Variants in NCAM2 observed in about 807,000 individuals in gnomAD.
NCAM2 encodes the protein neural cell adhesion molecule 2, also known as N-CAM-2.
NCAM2 carries 30 observed loss-of-function variants against 98.1 expected under a neutral mutation model. That is an observed-to-expected ratio of 0.31 (90% CI 0.23 to 0.41). The LOEUF is 0.41. Among genes scored for constraint, NCAM2 ranks in the 10% least tolerant of loss-of-function variants. The pLI is 1.00. For missense variants in NCAM2, 867 were observed against 1,005.8 expected (o/e 0.86, Z 1.87); for synonymous variants, 368 against 342.4 (o/e 1.07, Z -0.83).
In NCAM2 at chr21:21,136,269, C is replaced by T. The variant is rs542945075; in HGVS notation, c.55+137651C>T. Among the ~76,000 whole-genome samples the T allele has an allele frequency of 1.6e-4, 25 of 152,258 alleles. No homozygotes were observed. The South Asian group carries it at 5.2e-3, about 32-fold the overall frequency. On this transcript the variant is annotated intron_variant, in intron 1 of 17. Transcript: ENST00000400546. Reference sequence around the variant, plus strand: ...TTGCATGTAAATAGCTAGAGGAAGTCATATAGCCATAACTAACTTTAAGGG... The same window carrying T: ...TTGCATGTAAATAGCTAGAGGAAGTTATATAGCCATAACTAACTTTAAGGG...
chr21:21,126,192 A>G (rs1373693515), intron 1 of NCAM2, among the ~76,000 whole-genome samples: 1 of 146,608 alleles, frequency 6.8e-6, no homozygotes, highest in Non-Finnish European at 1.5e-5. Flanking sequence ...GGTAGGAGCC[A>G]TGAGACCAGA....
intron 1 of NCAM2, among the ~76,000 whole-genome samples, chr21:21,136,623 G>GGTTTTTTTT (rs373375869): frequency 3.0e-4 from 17 of 55,776 alleles, no homozygotes; most frequent in African/African-American, 9.9e-4. Context: ...CACCACGCCT[G>GGTTTTTTTT]TTTTTTGTTT....
At chr21:21,369,168 G>C (rs2075857892) in intron 8 of NCAM2, among the ~76,000 whole-genome samples, 1 of 147,268 alleles carries the variant, frequency 6.8e-6, no homozygotes, top group East Asian at 2.0e-4. Flanking sequence ...CTACTTTTTT[G>C]TATCTATAGA....
intron 4 of NCAM2, among the ~76,000 whole-genome samples, chr21:21,289,511 G>C (rs184565968): frequency 6.6e-6 from 1 of 151,864 alleles, no homozygotes; most frequent in African/African-American, 2.4e-5. Flanking sequence ...CCAGGCAAAC[G>C]TCGGTGCGGA....
chr21:21,369,097 A>AC (rs1356501397), intron 8 of NCAM2, among the ~76,000 whole-genome samples: 8 of 149,362 alleles, frequency 5.4e-5, no homozygotes, highest in African/African-American at 1.7e-4. Context: ...TTTGGTCATC[A>AC]CCCCCCAATC....
At chr21:21,110,541 G>T (rs2066433719) in intron 1 of NCAM2, among the ~76,000 whole-genome samples, 1 of 151,350 alleles carries the variant, frequency 6.6e-6, no homozygotes, top group Non-Finnish European at 1.5e-5. Flanking sequence ...AAAGTCTAGG[G>T]TATACCAGAT....
chr21:21,317,432 A>G (rs555184188), intron 5 of NCAM2, among the ~76,000 whole-genome samples: 1 of 152,048 alleles, frequency 6.6e-6, no homozygotes, highest in Admixed American at 6.6e-5. Flanking sequence ...AGTACTACCA[A>G]CTCTAAAAAT....
intron 1 of NCAM2, among the ~76,000 whole-genome samples, chr21:21,086,376 TGA>T (rs1310517978): frequency 6.6e-6 from 1 of 152,206 alleles, no homozygotes; most frequent in Non-Finnish European, 1.5e-5. Flanking sequence ...TTTGCAGACA[TGA>T]GAGTCTATTC....
chr21:21,315,327 G>T (rs1372504789), intron 5 of NCAM2, among the ~76,000 whole-genome samples: 1 of 152,144 alleles, frequency 6.6e-6, no homozygotes, highest in African/African-American at 2.4e-5. Context: ...TAAAGAACTT[G>T]CTGTGGATGC....
intron 1 of NCAM2, among the ~76,000 whole-genome samples, chr21:21,224,173 T>TA (rs1344497105): frequency 6.6e-6 from 1 of 152,182 alleles, no homozygotes; most frequent in Non-Finnish European, 1.5e-5. Context: ...TGTTATCAGA[T>TA]ACTGCAAAGT....
intron 8 of NCAM2, among the ~76,000 whole-genome samples, chr21:21,348,274 A>G (rs1453872380): frequency 6.6e-6 from 1 of 152,174 alleles, no homozygotes; most frequent in African/African-American, 2.4e-5. Context: ...CAAGATACAA[A>G]ATCAACATAC....
Position 21,539,598 on chromosome 21 carries a change from C to T in NCAM2, c.*1641C>T, listed in dbSNP as rs1224707836. ...GAAAACTAAGTACTTTTATATAATT[C>T]ATCACTTTTCTGGCTACAGCAGGAC... On this transcript the variant is annotated 3_prime_UTR_variant, in exon 18 of 18. Transcript: ENST00000400546. The T allele has an allele frequency of 6.6e-6, 1 of 152,154 alleles. No homozygotes were observed. The highest frequency in any genetic ancestry group is 1.5e-5 in the Non-Finnish European group (1 of 68,030). 9.4% of individuals were successfully genotyped at this position (152,154 alleles called of 1,614,324 possible). A position where few individuals can be genotyped will look rare whatever the true frequency, so the allele number is the denominator to read the frequency against.
intron 1 of NCAM2, among the ~76,000 whole-genome samples, chr21:21,157,154 C>A (rs1395788482): frequency 6.6e-6 from 1 of 152,026 alleles, no homozygotes; most frequent in Admixed American, 6.6e-5. Flanking sequence ...ATGGCTGTAT[C>A]TTTCACTCAA....
At chr21:21,316,683 A>G (rs929406605) in intron 5 of NCAM2, among the ~76,000 whole-genome samples, 5 of 151,724 alleles carry the variant, frequency 3.3e-5, no homozygotes, top group African/African-American at 7.3e-5. Context: ...TGCTGGCATT[A>G]CAGGTGCCTA....
chr21:21,433,776 A>AAAATAAAATAAAT (rs72002373), intron 12 of NCAM2, among the ~76,000 whole-genome samples: 1 of 149,514 alleles, frequency 6.7e-6, no homozygotes, highest in Non-Finnish European at 1.5e-5. Context: ...AAAATAAAAT[A>AAAATAAAATAAAT]AAATAAAATA....
At position 21,533,210 on chromosome 21, in the gene NCAM2, C is replaced by A. The variant is rs1989806882; in HGVS notation, c.2283-1327C>A. Reference sequence around the variant, plus strand: ...TCCTAGTGTATATGCTTCCTAAGAGCAAATTTTAATATCCTATATCCACCA... The same window carrying A: ...TCCTAGTGTATATGCTTCCTAAGAGAAAATTTTAATATCCTATATCCACCA... On this transcript the variant is annotated intron_variant, in intron 16 of 17. Transcript: ENST00000400546. 1.3e-4 allele frequency among the ~76,000 whole-genome samples: 16 copies of A among 120,680 alleles called. No individual in the cohort carries two copies. The South Asian group carries it at 4.0e-3, about 30-fold the overall frequency. 79.2% of individuals were successfully genotyped at this position (120,680 alleles called of 152,430 possible). A position where few individuals can be genotyped will look rare whatever the true frequency, so the allele number is the denominator to read the frequency against.
At chr21:21,123,646 G>C (rs997933124) in intron 1 of NCAM2, among the ~76,000 whole-genome samples, 5 of 151,846 alleles carry the variant, frequency 3.3e-5, no homozygotes, top group African/African-American at 9.7e-5. Context: ...TGTCTGATGC[G>C]CATTGCAATT....
At position 21,477,471 on chromosome 21, in the gene NCAM2, G is replaced by A; in HGVS notation, c.2077G>A (p.Asp693Asn). The A allele has an allele frequency of 6.3e-7, 1 of 1,583,028 alleles. No homozygotes were observed. Among genetic ancestry groups the A allele is most frequent in the East Asian group, 2.3e-5 (1 of 44,104 alleles). The change falls in exon 15 of 18, where the codon GAC (aspartate) becomes AAC (asparagine). Residue 693 changes from aspartate to asparagine, a missense_variant and splice_region_variant. By Grantham distance (23) the Asp-to-Asn change is conservative (BLOSUM62 1). Transcript: ENST00000400546. ...GCCACCAAAGCCCAACATTATTAAAGGTAAGCAAAACTATATTCTTTTTTA... is the reference window on the plus strand; with the variant it reads ...GCCACCAAAGCCCAACATTATTAAAAGTAAGCAAAACTATATTCTTTTTTA... ...SMPPKPNIIK[D>N]TLFNGLGLGA... is the part of the protein sequence containing the mutation.
intron 10 of NCAM2, among the ~76,000 whole-genome samples, chr21:21,412,852 AATT>A (rs71803326): frequency 0.072 from 10,911 of 152,242 alleles, 431 homozygotes; most frequent in East Asian, 0.15. Context: ...ACTAATATTT[AATT>A]ATTAGTATAT....
Sources: allele counts gnomAD v4.1 joint callset (sites outside exome capture counted in the v4.1 genomes callset), GRCh38; gene constraint gnomAD v4.1.1; transcripts MANE v1.5; gene names NCBI Gene and HGNC (gene_info 2026-07-23, HGNC 2026-07-21).